The following LAMA1 variants were observed in gnomAD, a reference collection of about 807,000 sequenced individuals.
LAMA1 encodes laminin subunit alpha 1.
In LAMA1, 219 loss-of-function variants were observed where a neutral mutation model predicts 348.7. That is an observed-to-expected ratio of 0.63 (90% CI 0.56 to 0.70). LAMA1 has a LOEUF of 0.70. LAMA1 is among the 30% of genes least tolerant of loss of function. The probability of loss-of-function intolerance (pLI) is 0.00; values close to 1 mark genes in which losing one functional copy is unlikely to be tolerated. For synonymous variants in LAMA1, 1,487 were observed against 1,491.0 expected (o/e 1.00, Z 0.06); for missense variants, 3,744 against 3,888.0 (o/e 0.96, Z 0.99).
Position 6,985,381 on chromosome 18 carries a change from T to A in LAMA1, c.5516A>T (p.Asp1839Val), listed in dbSNP as rs199685044. The change falls in exon 39 of 63, where the codon GAT (aspartate) becomes GTT (valine). Residue 1839 changes from aspartate to valine, a missense_variant. Physicochemically the swap from Asp to Val is radical, Grantham distance 152. This residue lies in a region of LAMA1 where 1,983 missense variants were observed against 1,934.3 expected (regional missense o/e 1.03). Transcript: ENST00000389658. Reference protein sequence around the residue: ...DALEHLEDHQDKLLLWSAKIR... With the variant: ...DALEHLEDHQVKLLLWSAKIR... ...TTTGGCAGACCATAAAAGTAGCTTA[T>A]CCTGGTGATCCTCTAAGTGCTACAT... 1.9e-4 allele frequency: 303 copies of A among 1,614,088 alleles called. No homozygotes were observed. The highest frequency in any genetic ancestry group is 8.3e-4 in the Admixed American group (50 of 60,000).
intron 1 of LAMA1, among the ~76,000 whole-genome samples, chr18:7,093,277 G>A (rs750286334): frequency 4.8e-4 from 73 of 152,190 alleles, no homozygotes; most frequent in East Asian, 1.2e-3. Context: ...TTAGCCGGGC[G>A]GGGTGGCGGG....
chr18:6,997,942 T>G, intron 32 of LAMA1, 58 bp from the exon 33 acceptor site: 1 of 1,532,074 alleles, frequency 6.5e-7, no homozygotes, highest in Non-Finnish European at 9.0e-7. Context: ...GTCTGCCCAT[T>G]TTTTCATGGA....
At chr18:7,093,413 C>CA (rs534152928) in intron 1 of LAMA1, among the ~76,000 whole-genome samples, 7 of 148,704 alleles carry the variant, frequency 4.7e-5, no homozygotes, top group South Asian at 2.2e-4. Flanking sequence ...CAGACTCGGT[C>CA]AAAAAAAAAG....
chr18:6,961,641 A>G lies in LAMA1; in HGVS notation c.7571T>C (p.Leu2524Pro). The G allele has an allele frequency of 1.2e-6, 2 of 1,614,160 alleles. No homozygotes were observed. The highest frequency in any genetic ancestry group is 1.7e-6 in the Non-Finnish European group (2 of 1,180,028). Residue 2524 changes from leucine (L) to proline (P), a missense_variant, in exon 53 of 63, where the codon CTG (leucine) becomes CCG (proline). Transcript: ENST00000389658. ...CTCCACATCCCCGCCGAGGGCAGCC[A>G]GGATGATGCCACTGCTGTTCGTGGT... ...FATTNSSGIILAALGGDVEKR... is the reference protein window; with the variant it reads ...FATTNSSGIIPAALGGDVEKR...
At chr18:7,095,330 C>G (rs952647985) in intron 1 of LAMA1, among the ~76,000 whole-genome samples, 1 of 152,168 alleles carries the variant, frequency 6.6e-6, no homozygotes, top group African/African-American at 2.4e-5. Context: ...TCTTAAATCA[C>G]ATTTATGCGA....
At chr18:7,050,986 G>C in intron 3 of LAMA1, 50 bp from the exon 4 acceptor site, 1 of 1,606,490 alleles carries the variant, frequency 6.2e-7, no homozygotes, top group Non-Finnish European at 8.5e-7. Context: ...TACAAGCCAG[G>C]CACAGAATGA....
chr18:7,008,427 G>T, intron 28 of LAMA1, 61 bp downstream of exon 28: 5 of 1,599,046 alleles, frequency 3.1e-6, no homozygotes, highest in Non-Finnish European at 4.3e-6. Flanking sequence ...TCTGGGAGTT[G>T]CTGTAACAAG....
intron 1 of LAMA1, among the ~76,000 whole-genome samples, chr18:7,094,875 A>G (rs183002850): frequency 6.6e-5 from 10 of 152,340 alleles, no homozygotes; most frequent in Admixed American, 6.5e-4. Flanking sequence ...TTTAGGAAAA[A>G]CATTTTAACA....
chr18:6,943,168 A>AC lies in LAMA1; in HGVS notation c.9067+11dup. On this transcript the variant is annotated intron_variant, in intron 62 of 62. Coordinates refer to ENST00000389658, the MANE Select transcript of LAMA1 (RefSeq NM_005559.4). ...GCCCCTTTTGAGTGGAAGAGCAGGTACCCGTACATACCAGGATAGCCACCA... is the reference window on the plus strand; with the variant it reads ...GCCCCTTTTGAGTGGAAGAGCAGGTACCCCGTACATACCAGGATAGCCACCA... 6.2e-7 allele frequency: 1 copy of AC among 1,610,324 alleles called. No homozygotes were observed. The highest frequency in any genetic ancestry group is 8.5e-7 in the Non-Finnish European group (1 of 1,176,630).
intron 5 of LAMA1, among the ~76,000 whole-genome samples, chr18:7,047,192 G>A (rs1012124378): frequency 2.0e-5 from 3 of 151,724 alleles, no homozygotes; most frequent in African/African-American, 7.3e-5. Context: ...TTACAGGCAT[G>A]CGCCACCACG....
intron 19 of LAMA1, among the ~76,000 whole-genome samples, chr18:7,021,852 T>TATAATATA (rs1555654397): frequency 4.8e-5 from 3 of 62,104 alleles, no homozygotes; most frequent in African/African-American, 3.8e-4. Context: ...TTATATTATA[T>TATAATATA]TATATATATT....
intron 8 of LAMA1, 35 bp from the exon 9 acceptor site, chr18:7,042,285 A>G (rs1168956869): frequency 8.2e-7 from 1 of 1,219,746 alleles, no homozygotes; most frequent in South Asian, 1.2e-5. Flanking sequence ...TTCTCTTACT[A>G]GAAATAACAG....
intron 20 of LAMA1, 118 bp downstream of exon 20, chr18:7,017,160 T>C: frequency 1.2e-6 from 1 of 810,064 alleles, no homozygotes. Context: ...TCTTGGGTAG[T>C]ATCTCTATAG....
chr18:7,087,845 AC>A (rs769579242), intron 1 of LAMA1, among the ~76,000 whole-genome samples: 1 of 152,168 alleles, frequency 6.6e-6, no homozygotes, highest in Non-Finnish European at 1.5e-5. Flanking sequence ...GAAGCACGGC[AC>A]CCAGGCGTTT....
Position 7,080,060 on chromosome 18 carries a change from T to A in LAMA1, c.260A>T (p.Asp87Val). 1 of 1,613,946 alleles carries A rather than the reference T, an allele frequency of 6.2e-7. No homozygotes were observed. The highest frequency in any genetic ancestry group is 1.1e-5 in the South Asian group (1 of 91,080). ...ACTTTGCCACCAGTTATTGGTGCCA[T>A]CTATGGCATGTGATATTGGATGGCG... is the stretch of plus-strand genomic sequence containing the variant. The part of the protein sequence containing the change: ...RERHPISHAI[D>V]GTNNWWQSPS... Residue 87 changes from aspartate (D) to valine (V), a missense_variant, in exon 3 of 63, where the codon GAT becomes GTT. Asp to Val is a radical substitution (Grantham distance 152, BLOSUM62 -3). Coordinates refer to ENST00000389658, the MANE Select transcript of LAMA1 (RefSeq NM_005559.4).
chr18:6,983,991 A>C (rs2057723340), intron 39 of LAMA1, among the ~76,000 whole-genome samples: 1 of 120,994 alleles, frequency 8.3e-6, no homozygotes, highest in South Asian at 3.1e-4. Flanking sequence ...AATAAAAGAT[A>C]ATTATTTAAC....
At chr18:6,973,002 T>A (rs1476835789) in intron 47 of LAMA1, 55 bp downstream of exon 47, 4 of 1,603,276 alleles carry the variant, frequency 2.5e-6, no homozygotes, top group Non-Finnish European at 3.4e-6. Flanking sequence ...ATGACTTTTA[T>A]ATATAGGTAA....
At chr18:7,114,946 T>C (rs1008315068) in intron 1 of LAMA1, among the ~76,000 whole-genome samples, 1 of 152,220 alleles carries the variant, frequency 6.6e-6, no homozygotes, top group Non-Finnish European at 1.5e-5. Flanking sequence ...TCTTGATGCA[T>C]TTGAATTCTC....
rs549582907 is a variant in LAMA1, at chr18:6,992,662, A to G, written c.5067T>C (p.Asn1689=). ...QTLDEDFLLP[N]STLQNMQQNG... ...TCTGTTGCATGTTCTGAAGAGTAGA[A>G]TTGGGTAGTAGGAAATCTTCATCCA... Residue 1689 remains asparagine (N), a synonymous_variant, in exon 36 of 63, where the codon AAT becomes AAC. Transcript: ENST00000389658. 1.9e-6 allele frequency: 3 copies of G among 1,613,846 alleles called. No homozygotes were observed. The highest frequency in any genetic ancestry group is 2.2e-5 in the South Asian group (2 of 91,070).
Sources: gnomAD v4.1 joint callset for allele counts (sites outside exome capture counted in the v4.1 genomes callset) on GRCh38, gnomAD v4.1.1 for gene constraint, gnomAD v4.1.1 regional missense constraint, MANE v1.5 for transcripts, NCBI Gene and HGNC (gene_info 2026-07-23, HGNC 2026-07-21) for gene names.